The following DORIP1 variants were observed in gnomAD, a reference collection of about 807,000 sequenced individuals.
The protein encoded by DORIP1 is dopamine receptor-interacting protein 1.
At chr14:44,897,631 C>G in the DORIP1 span, 1 of 157,056 alleles carries the variant, frequency 6.4e-6, no homozygotes, top group Non-Finnish European at 1.4e-5. Flanking sequence ...TTCCGCGGCC[C>G]GGCCCTCCAG....
chr14:44,900,368 A>G, the DORIP1 span: 1 of 1,296,490 alleles, frequency 7.7e-7, no homozygotes. Context: ...TTTCGTTTAA[A>G]CATATTATGC....
chr14:44,903,406 T>C, the DORIP1 span: 3 of 1,477,428 alleles, frequency 2.0e-6, no homozygotes, highest in Non-Finnish European at 2.7e-6. Flanking sequence ...TAGTTTACTA[T>C]GACATTTTAC....
the DORIP1 span, chr14:44,905,459 G>A: frequency 1.3e-6 from 2 of 1,567,438 alleles, no homozygotes; most frequent in Non-Finnish European, 1.7e-6. Flanking sequence ...CACTATGATG[G>A]GCTCAGAAAT....
chr14:44,899,604 A>G, the DORIP1 span, among the ~76,000 whole-genome samples: 1 of 151,996 alleles, frequency 6.6e-6, no homozygotes, highest in Non-Finnish European at 1.5e-5. Context: ...TCTCTACAAC[A>G]AATAAAATAT....
At chr14:44,900,178 G>C in the DORIP1 span, among the ~76,000 whole-genome samples, 1 of 152,040 alleles carries the variant, frequency 6.6e-6, no homozygotes, top group Non-Finnish European at 1.5e-5. Flanking sequence ...GATAAAATCT[G>C]CAATGTAATT....
the DORIP1 span, chr14:44,900,444 AC>A: frequency 6.7e-7 from 1 of 1,493,192 alleles, no homozygotes; most frequent in South Asian, 1.5e-5. Context: ...GGATGAAGAC[AC>A]TGTTTGAAGA....
chr14:44,906,855 T>C, the DORIP1 span: 1 of 152,404 alleles, frequency 6.6e-6, no homozygotes, highest in African/African-American at 2.4e-5. Context: ...GAAACATTAC[T>C]GAGAATGCCT....
the DORIP1 span, chr14:44,900,680 T>TTCA: frequency 1.2e-6 from 2 of 1,612,794 alleles, no homozygotes; most frequent in Non-Finnish European, 1.7e-6. Flanking sequence ...GAACTCTCTC[T>TTCA]TCATTTTGGT....
chr14:44,904,679 TAC>T, the DORIP1 span: 4 of 874,784 alleles, frequency 4.6e-6, no homozygotes, highest in East Asian at 5.9e-5. Context: ...CAGAATTTAT[TAC>T]AGAGAGTCAG....
chr14:44,905,334 A>T, the DORIP1 span: 13 of 1,346,698 alleles, frequency 9.7e-6, no homozygotes, highest in Non-Finnish European at 1.3e-5. Context: ...AAAGTATTAA[A>T]TTTTCTCTCA....
the DORIP1 span, among the ~76,000 whole-genome samples, chr14:44,901,979 A>T: frequency 6.6e-6 from 1 of 152,204 alleles, no homozygotes; most frequent in Non-Finnish European, 1.5e-5. Flanking sequence ...CAGTGGAAGA[A>T]AAACAGACCC....
At chr14:44,903,387 T>C in the DORIP1 span, 1 of 1,499,102 alleles carries the variant, frequency 6.7e-7, no homozygotes, top group Admixed American at 2.0e-5. Context: ...TTTATGAATC[T>C]TATTAACCTA....
At chr14:44,905,446 A>C in the DORIP1 span, 1 of 1,575,080 alleles carries the variant, frequency 6.3e-7, no homozygotes, top group African/African-American at 1.3e-5. Flanking sequence ...TGGACATTGG[A>C]TGCACTATGA....
the DORIP1 span, chr14:44,900,846 T>C: frequency 1.2e-6 from 2 of 1,614,004 alleles, no homozygotes; most frequent in Non-Finnish European, 1.7e-6. Flanking sequence ...ATGAGCATGA[T>C]AATTTTACAA....
At chr14:44,905,614 A>G in the DORIP1 span, 1 of 1,177,122 alleles carries the variant, frequency 8.5e-7, no homozygotes, top group Non-Finnish European at 1.2e-6. Context: ...AAGGGCTTTT[A>G]TTTTGTGTAT....
the DORIP1 span, among the ~76,000 whole-genome samples, chr14:44,901,345 G>A: frequency 6.6e-6 from 1 of 152,280 alleles, no homozygotes; most frequent in Non-Finnish European, 1.5e-5. Flanking sequence ...GATGACAAAT[G>A]ACAATATTGC....
chr14:44,903,748 T>C, the DORIP1 span: 1 of 964,920 alleles, frequency 1.0e-6, no homozygotes. Flanking sequence ...ATCTTATTGC[T>C]GATTAATTAC....
the DORIP1 span, among the ~76,000 whole-genome samples, chr14:44,897,932 C>T: frequency 1.3e-5 from 2 of 152,196 alleles, no homozygotes; most frequent in African/African-American, 4.8e-5. Context: ...CTTTTAGAAT[C>T]CCTGAGTCCT....
At chr14:44,903,387 T>A in the DORIP1 span, 1 of 1,499,104 alleles carries the variant, frequency 6.7e-7, no homozygotes, top group Non-Finnish European at 9.0e-7. Context: ...TTTATGAATC[T>A]TATTAACCTA....
Sources: allele counts gnomAD v4.1 joint callset (sites outside exome capture counted in the v4.1 genomes callset), GRCh38; gene constraint gnomAD v4.1.1; transcripts MANE v1.5; gene names NCBI Gene and HGNC (gene_info 2026-07-23, HGNC 2026-07-21).